The following FIGNL2 variants were observed in gnomAD, a reference collection of about 807,000 sequenced individuals.
The protein encoded by FIGNL2 is fidgetin like 2, also known as fidgetin-like protein 2.
For synonymous variants in FIGNL2, 565 were observed against 484.0 expected (o/e 1.17, Z -2.20); for missense variants, 1,060 against 950.2 (o/e 1.12, Z -1.52).
rs1658516245 is a variant in FIGNL2, at chr12:51,831,853, AT to A, written c.-11-9430del. ...GAAAAAAAGCCCAAAATATATATAC[AT>A]TTTTGAGACAAGGTCTTGCTCTGTT... On this transcript the variant is annotated intron_variant, in intron 1 of 1. Transcript: ENST00000618634. 1.9e-5 allele frequency: 3 copies of A among 154,014 alleles called. No individual in the cohort carries two copies. In the Admixed American group the frequency reaches 2.0e-4, roughly 10 times the overall value. 9.5% of individuals were successfully genotyped at this position (154,014 alleles called of 1,614,324 possible). A position where few individuals can be genotyped will look rare whatever the true frequency, so the allele number is the denominator to read the frequency against.
At position 51,821,821 on chromosome 12, in the gene FIGNL2, G is replaced by A. The variant is rs867743173; in HGVS notation, c.593C>T (p.Pro198Leu). 7.8e-7 allele frequency: 1 copy of A among 1,276,506 alleles called. No homozygotes were observed. Among genetic ancestry groups the A allele is most frequent in the African/African-American group, 1.6e-5 (1 of 64,006 alleles). The allele number at this position is 1,276,506 out of a possible 1,614,324, so 79.1% of individuals were successfully genotyped here. ...LQPPPPPGYGPSAPLYNYPAG... is the reference protein window; with the variant it reads ...LQPPPPPGYGLSAPLYNYPAG... ...GGGATAGTTGTACAGCGGCGCTGAG[G>A]GCCCGTACCCCGGAGGCGGTGGGGG... The change falls in exon 2 of 2, where the codon CCC (proline) becomes CTC (leucine). Residue 198 changes from proline to leucine, a missense_variant. Coordinates refer to ENST00000618634, the MANE Select transcript of FIGNL2 (RefSeq NM_001384995.1).
chr12:51,837,184 G>A (rs1939592827), intron 1 of FIGNL2, among the ~76,000 whole-genome samples: 1 of 152,050 alleles, frequency 6.6e-6, no homozygotes, highest in Admixed American at 6.5e-5. Context: ...GAATTTGGGG[G>A]CCCCAGCTCC....
rs781164340 is a variant in FIGNL2 at position 51,822,188 on chromosome 12, C to G, written c.226G>C (p.Glu76Gln). ...KYSGVLDSPY[E>Q]RPALGGYSDA... is the part of the protein sequence containing the mutation. ...CTGTACCCGCCCAGGGCCGGACGCT[C>G]GTAGGGAGAATCCAAGACCCCAGAG... Residue 76 changes from glutamate to glutamine, a missense_variant, in exon 2 of 2, where the codon GAG becomes CAG. Coordinates refer to ENST00000618634, the MANE Select transcript of FIGNL2 (RefSeq NM_001384995.1). 4 of 1,611,554 alleles carry G rather than the reference C, an allele frequency of 2.5e-6. No homozygotes were observed. The East Asian group carries it at 6.7e-5, about 27-fold the overall frequency.
intron 1 of FIGNL2, chr12:51,845,713 C>T (rs752547010): frequency 3.2e-5 from 31 of 975,158 alleles, no homozygotes; most frequent in Middle Eastern, 5.2e-4. Flanking sequence ...CCTGGCTGAC[C>T]GACGGCAGGG....
At chr12:51,823,401 G>A (rs564317184) in intron 1 of FIGNL2, 1 of 152,326 alleles carries the variant, frequency 6.6e-6, no homozygotes, top group South Asian at 2.1e-4. Context: ...AAGCAAAAAT[G>A]TTCCTGTCTT....
In FIGNL2 at chr12:51,821,682, C is replaced by A; in HGVS notation, c.732G>T (p.Pro244=). ...GGAAGCCATAGGCGGTGGGCGGTGCCGGCGCGGGCAGGGGCGTGGGCGCGG... is the reference window on the plus strand; with the variant it reads ...GGAAGCCATAGGCGGTGGGCGGTGCAGGCGCGGGCAGGGGCGTGGGCGCGG... ...GLPAPTPLPA[P]APPTAYGFPT... Residue 244 remains proline, a synonymous_variant, in exon 2 of 2, where the codon CCG becomes CCT. Coordinates refer to ENST00000618634, the MANE Select transcript of FIGNL2 (RefSeq NM_001384995.1). The A allele has an allele frequency of 7.4e-7, 1 of 1,360,356 alleles. No individual in the cohort carries two copies. The highest frequency in any genetic ancestry group is 9.4e-7 in the Non-Finnish European group (1 of 1,063,412). The allele number at this position is 1,360,356 out of a possible 1,614,324, so 84.3% of individuals were successfully genotyped here.
At chr12:51,838,619 G>A (rs1483933480) in intron 1 of FIGNL2, among the ~76,000 whole-genome samples, 1 of 152,162 alleles carries the variant, frequency 6.6e-6, no homozygotes, top group Non-Finnish European at 1.5e-5. Context: ...GAAATGGGGG[G>A]TGGAGAGGCA....
At chr12:51,831,271 G>A (rs970902363) in intron 1 of FIGNL2, among the ~76,000 whole-genome samples, 10 of 152,184 alleles carry the variant, frequency 6.6e-5, no homozygotes, top group Admixed American at 2.6e-4. Flanking sequence ...CTTTCGCTAG[G>A]GAGTCAGGAA....
At chr12:51,839,517 G>A (rs1467510412) in intron 1 of FIGNL2, among the ~76,000 whole-genome samples, 1 of 152,152 alleles carries the variant, frequency 6.6e-6, no homozygotes, top group African/African-American at 2.4e-5. Context: ...CTGCTAGGGT[G>A]GTCTTTCTGT....
Position 51,821,824 on chromosome 12 carries a change from C to T in FIGNL2, c.590G>A (p.Gly197Glu). Residue 197 changes from glycine to glutamate, a missense_variant, in exon 2 of 2, where the codon GGG becomes GAG. Coordinates refer to ENST00000618634, the MANE Select transcript of FIGNL2 (RefSeq NM_001384995.1). ...ATAGTTGTACAGCGGCGCTGAGGGCCCGTACCCCGGAGGCGGTGGGGGCTG... is the reference window on the plus strand; with the variant it reads ...ATAGTTGTACAGCGGCGCTGAGGGCTCGTACCCCGGAGGCGGTGGGGGCTG... ...LLQPPPPPGY[G>E]PSAPLYNYPA... is the part of the protein sequence containing the mutation. The T allele has an allele frequency of 7.8e-7, 1 of 1,277,230 alleles. No individual in the cohort carries two copies. Among genetic ancestry groups the T allele is most frequent in the Non-Finnish European group, 9.8e-7 (1 of 1,016,102 alleles). The allele number at this position is 1,277,230 out of a possible 1,614,324, so 79.1% of individuals were successfully genotyped here.
intron 1 of FIGNL2, chr12:51,848,147 C>A (rs1939792051): frequency 1.0e-6 from 1 of 984,724 alleles, no homozygotes; most frequent in Admixed American, 6.2e-5. Flanking sequence ...TGCGGGCCGG[C>A]CCTCGGGCTC....
intron 1 of FIGNL2, among the ~76,000 whole-genome samples, chr12:51,835,007 T>C (rs1295816574): frequency 6.6e-6 from 1 of 152,226 alleles, no homozygotes; most frequent in Non-Finnish European, 1.5e-5. Context: ...TCAGCCCATG[T>C]GTCAACACCT....
Position 51,820,081 on chromosome 12 carries a change from G to C in FIGNL2, c.*371C>G, listed in dbSNP as rs1259172682. 1 of 264,562 alleles carries C rather than the reference G, an allele frequency of 3.8e-6. No individual in the cohort carries two copies. The highest frequency in any genetic ancestry group is 7.2e-6 in the Non-Finnish European group (1 of 138,618). The allele number at this position is 264,562 out of a possible 1,614,324, so 16.4% of individuals were successfully genotyped here. ...AAGAGAATGCAGAGAATGGGATGGA[G>C]AGAGTGAGGGAGAAGGAGGGTGCCA... On this transcript the variant is annotated 3_prime_UTR_variant, in exon 2 of 2. Coordinates refer to ENST00000618634, the MANE Select transcript of FIGNL2 (RefSeq NM_001384995.1).
chr12:51,824,359 G>C (rs1939290021), intron 1 of FIGNL2: 1 of 152,250 alleles, frequency 6.6e-6, no homozygotes, highest in African/African-American at 2.4e-5. Flanking sequence ...GCAGCAGCTT[G>C]TTGACAGCAC....
intron 1 of FIGNL2, chr12:51,844,799 C>T: frequency 2.0e-6 from 2 of 985,424 alleles, no homozygotes; most frequent in Non-Finnish European, 2.4e-6. Flanking sequence ...CAGCCCAGAC[C>T]CTGACCCAGC....
intron 1 of FIGNL2, among the ~76,000 whole-genome samples, chr12:51,827,929 T>A (rs1209934736): frequency 6.6e-6 from 1 of 152,134 alleles, no homozygotes; most frequent in Non-Finnish European, 1.5e-5. Context: ...GATTAACACA[T>A]CTTCAGGGTC....
In FIGNL2 at chr12:51,820,973, G is replaced by A. The variant is rs1939164565; in HGVS notation, c.1441C>T (p.Arg481Cys). 1.6e-6 allele frequency: 2 copies of A among 1,218,326 alleles called. No homozygotes were observed. Among genetic ancestry groups the A allele is most frequent in the Admixed American group, 4.4e-5 (1 of 22,706 alleles). 75.5% of individuals were successfully genotyped at this position (1,218,326 alleles called of 1,614,324 possible). Residue 481 changes from arginine to cysteine, a missense_variant, in exon 2 of 2, where the codon CGC becomes TGC. Transcript: ENST00000618634. ...RLLQAAFAAA[R>C]CRPPSVLLIS... ...AGGAGTACGGAGGGTGGGCGGCAGC[G>A]CGCGGCCGCGAAGGCGGCCTGGAGG...
chr12:51,837,313 C>T lies in FIGNL2; in HGVS notation c.-12+11227G>A, dbSNP rs567159723. The stretch of plus-strand genomic sequence containing the variant: ...GCCTCTCCTGCTCTCAAAGAAGGTC[C>T]GGGGGAGCTGGGAACTGGACATAGG... On this transcript the variant is annotated intron_variant, in intron 1 of 1. Coordinates refer to ENST00000618634, the MANE Select transcript of FIGNL2 (RefSeq NM_001384995.1). 6.6e-5 allele frequency among the ~76,000 whole-genome samples: 10 copies of T among 152,216 alleles called. No individual in the cohort carries two copies. In the South Asian group the frequency reaches 2.1e-3, roughly 32 times the overall value.
chr12:51,846,948 G>A, intron 1 of FIGNL2: 4 of 957,494 alleles, frequency 4.2e-6, no homozygotes, highest in Non-Finnish European at 3.7e-6. Flanking sequence ...GGGGATTTAC[G>A]AGGCCTGTCA....
Sources: allele counts gnomAD v4.1 joint callset (sites outside exome capture counted in the v4.1 genomes callset), GRCh38; gene constraint gnomAD v4.1.1; transcripts MANE v1.5; gene names NCBI Gene and HGNC (gene_info 2026-07-23, HGNC 2026-07-21).